Variants in ENAH observed in about 807,000 individuals in gnomAD.
The protein encoded by ENAH is protein enabled homolog.
A neutral mutation model predicts 78.7 loss-of-function variants in ENAH; 23 were observed. The observed-to-expected ratio is 0.29, with a 90% CI of 0.21 to 0.41. The LOEUF is 0.41. Among genes scored for constraint, ENAH ranks in the 10% least tolerant of loss-of-function variants. The pLI, the probability that ENAH is intolerant of heterozygous loss-of-function variation, is 1.00. For missense variants in ENAH, 544 were observed against 691.0 expected, an observed-to-expected ratio of 0.79 and a Z score of 2.39; for synonymous variants, 226 against 241.0, an observed-to-expected ratio of 0.94 and a Z score of 0.58.
chr1:225,556,139 A>C (rs2096665711), intron 2 of ENAH, among the ~76,000 whole-genome samples: 1 of 152,118 alleles, frequency 6.6e-6, no homozygotes, highest in Admixed American at 6.5e-5. Flanking sequence ...GATTATTTGC[A>C]GTTTGGGCTA....
chr1:225,652,338 C>T, intron 1 of ENAH: 4 of 985,410 alleles, frequency 4.1e-6, no homozygotes, highest in Non-Finnish European at 3.6e-6. Flanking sequence ...GCAACACGCA[C>T]GCTTCGATTC....
At chr1:225,564,641 G>A (rs2096725891) in intron 2 of ENAH, among the ~76,000 whole-genome samples, 1 of 151,762 alleles carries the variant, frequency 6.6e-6, no homozygotes, top group Non-Finnish European at 1.5e-5. Context: ...GTCTCATTAT[G>A]TTGACCAGGC....
At chr1:225,616,161 A>C (rs968796455) in intron 1 of ENAH, among the ~76,000 whole-genome samples, 2 of 152,144 alleles carry the variant, frequency 1.3e-5, no homozygotes, top group Non-Finnish European at 2.9e-5. Flanking sequence ...ACCACTCCCT[A>C]ATCTCAAGTA....
At chr1:225,502,062 TACC>T (rs1315950970) in intron 11 of ENAH, among the ~76,000 whole-genome samples, 1 of 152,160 alleles carries the variant, frequency 6.6e-6, no homozygotes, top group Admixed American at 6.5e-5. Context: ...TTTTGCAGAG[TACC>T]AATGTTAGCA....
intron 1 of ENAH, among the ~76,000 whole-genome samples, chr1:225,570,383 C>A (rs1182911352): frequency 6.6e-6 from 1 of 151,590 alleles, no homozygotes; most frequent in African/African-American, 2.4e-5. Flanking sequence ...TCCACTTATA[C>A]ATGGATTTTT....
At chr1:225,501,767 T>C (rs1236397708) in intron 11 of ENAH, among the ~76,000 whole-genome samples, 1 of 152,252 alleles carries the variant, frequency 6.6e-6, no homozygotes, top group East Asian at 1.9e-4. Context: ...AAAAAGGATA[T>C]GCCAGACAGA....
intron 12 of ENAH, among the ~76,000 whole-genome samples, chr1:225,498,880 A>T (rs757555643): frequency 5.9e-5 from 9 of 152,196 alleles, no homozygotes; most frequent in Non-Finnish European, 1.2e-4. Context: ...TATTTCAAGG[A>T]GTCTAGGATT....
intron 10 of ENAH, among the ~76,000 whole-genome samples, chr1:225,509,203 C>G (rs1200191091): frequency 6.6e-6 from 1 of 152,000 alleles, no homozygotes; most frequent in Non-Finnish European, 1.5e-5. Context: ...GAATCAGAAA[C>G]ATATCCAAGT....
chr1:225,607,532 A>G (rs922721970), intron 1 of ENAH, among the ~76,000 whole-genome samples: 16 of 149,922 alleles, frequency 1.1e-4, no homozygotes, highest in African/African-American at 4.0e-4. Context: ...AAAAAAAAAA[A>G]ACACCTGGTT....
chr1:225,558,574 G>C (rs951562076), intron 2 of ENAH, among the ~76,000 whole-genome samples: 2 of 141,960 alleles, frequency 1.4e-5, no homozygotes, highest in African/African-American at 5.1e-5. Context: ...AAGGACTTTA[G>C]AGACAAACCT....
At chr1:225,587,265 T>C (rs1204939246) in intron 1 of ENAH, among the ~76,000 whole-genome samples, 2 of 152,166 alleles carry the variant, frequency 1.3e-5, no homozygotes, top group Non-Finnish European at 2.9e-5. Flanking sequence ...GATGACGAAT[T>C]GCTGCTTATG....
At chr1:225,612,429 C>T (rs1013252840) in intron 1 of ENAH, among the ~76,000 whole-genome samples, 2 of 152,056 alleles carry the variant, frequency 1.3e-5, no homozygotes, top group African/African-American at 4.8e-5. Flanking sequence ...TGATGGGGAA[C>T]AGGGATTGGG....
chr1:225,576,947 C>T (rs1198586686), intron 1 of ENAH, among the ~76,000 whole-genome samples: 1 of 152,066 alleles, frequency 6.6e-6, no homozygotes, highest in Non-Finnish European at 1.5e-5. Flanking sequence ...CCAGCCTGGG[C>T]AACATAACAA....
chr1:225,538,689 T>A (rs984611730), intron 3 of ENAH, among the ~76,000 whole-genome samples: 6 of 152,108 alleles, frequency 3.9e-5, no homozygotes, highest in African/African-American at 1.4e-4. Context: ...TAAGCCAATA[T>A]GAAAATCACT....
In ENAH at chr1:225,512,408, A is replaced by G. The variant is rs538594602; in HGVS notation, c.1422+249T>C. ...ATTCACTCATTTAAGGAACAGAATT[A>G]AACTCCACAGGTTTGAACTTCAATG... On this transcript the variant is annotated intron_variant, in intron 9 of 13. Transcript: ENST00000366843. Among the ~76,000 whole-genome samples, 117 of 152,364 alleles carry G rather than the reference A, an allele frequency of 7.7e-4. 1 individual carries two copies. Among genetic ancestry groups the G allele is most frequent in the Non-Finnish European group, 1.6e-4 (11 of 68,030 alleles).
Position 225,511,732 on chromosome 1 carries a change from G to C in ENAH, c.1471+79C>G, listed in dbSNP as rs976426031. 6 of 1,038,374 alleles carry C rather than the reference G, an allele frequency of 5.8e-6. No individual in the cohort carries two copies. In the African/African-American group the frequency reaches 8.1e-5, roughly 14 times the overall value. The allele number at this position is 1,038,374 out of a possible 1,614,324, so 64.3% of individuals were successfully genotyped here. ...TCCAGTCACTTGGTCCAAATATGGG[G>C]AAAGGGGGAATTTTTAACTGGGGAG... On this transcript the variant is annotated intron_variant, in intron 10 of 13. Coordinates refer to ENST00000366843, the MANE Select transcript of ENAH (RefSeq NM_018212.6).
chr1:225,615,759 T>C (rs1360369342), intron 1 of ENAH, among the ~76,000 whole-genome samples: 3 of 141,476 alleles, frequency 2.1e-5, no homozygotes, highest in South Asian at 2.3e-4. Flanking sequence ...GTGAGGAGCG[T>C]CTCTGCCCGG....
At chr1:225,547,852 G>T (rs1264356502) in intron 3 of ENAH, among the ~76,000 whole-genome samples, 1 of 152,086 alleles carries the variant, frequency 6.6e-6, no homozygotes, top group Non-Finnish European at 1.5e-5. Context: ...AGACCTGAAA[G>T]TCAGCTTGTC....
chr1:225,573,445 C>T (rs943980506), intron 1 of ENAH, among the ~76,000 whole-genome samples: 1 of 152,132 alleles, frequency 6.6e-6, no homozygotes, highest in East Asian at 1.9e-4. Context: ...ACAAGACTCT[C>T]TGAGGAGGCA....
Sources: allele counts gnomAD v4.1 joint callset (sites outside exome capture counted in the v4.1 genomes callset), GRCh38; gene constraint gnomAD v4.1.1; transcripts MANE v1.5; gene names NCBI Gene and HGNC (gene_info 2026-07-23, HGNC 2026-07-21).